Variants in RGS7 observed in about 807,000 individuals in gnomAD.
The protein encoded by RGS7 is regulator of G protein signaling 7.
Under a neutral mutation model 81.1 loss-of-function variants are expected in RGS7, and 27 were observed. The observed-to-expected ratio is 0.33, with a 90% confidence interval of 0.25 to 0.46. The LOEUF (loss-of-function observed/expected upper bound fraction) is 0.46. RGS7 is among the 20% of genes least tolerant of loss of function. The probability of loss-of-function intolerance (pLI) is 1.00; values close to 1 mark genes in which losing one functional copy is unlikely to be tolerated. For missense variants in RGS7, 396 were observed against 607.4 expected (o/e 0.65, Z 3.66); for synonymous variants, 208 against 207.7 (o/e 1.00, Z -0.01).
At chr1:241,072,064 A>T (rs1215280095) in intron 3 of RGS7, among the ~76,000 whole-genome samples, 1 of 152,170 alleles carries the variant, frequency 6.6e-6, no homozygotes, top group Non-Finnish European at 1.5e-5. Flanking sequence ...GACATCCCTC[A>T]TTACAGACCA....
chr1:240,898,441 C>T (rs1669450975), intron 6 of RGS7, among the ~76,000 whole-genome samples: 1 of 152,172 alleles, frequency 6.6e-6, no homozygotes, highest in South Asian at 2.1e-4. Context: ...TTTCCCTCTA[C>T]ACACTGCTTT....
At chr1:241,168,590 T>A (rs2070462146) in intron 2 of RGS7, among the ~76,000 whole-genome samples, 1 of 152,084 alleles carries the variant, frequency 6.6e-6, no homozygotes, top group African/African-American at 2.4e-5. Flanking sequence ...CTACGTTATG[T>A]TATATCACAA....
intron 3 of RGS7, among the ~76,000 whole-genome samples, chr1:241,023,579 A>G (rs1053058712): frequency 6.6e-6 from 1 of 152,016 alleles, no homozygotes; most frequent in African/African-American, 2.4e-5. Context: ...GATACGCCCC[A>G]CTCCAGTTCT....
In RGS7 at chr1:240,962,963, T is replaced by TG. The variant is rs530160614; in HGVS notation, c.226+20115dup. Reference sequence around the variant, plus strand: ...TGTTTGAACATTATCCTGAGGAAAATGGGGGGATCTATTAGTTATTGAACT... The same window carrying TG: ...TGTTTGAACATTATCCTGAGGAAAATGGGGGGGATCTATTAGTTATTGAACT... On this transcript the variant is annotated intron_variant, in intron 4 of 18. Coordinates refer to ENST00000440928, the MANE Select transcript of RGS7 (RefSeq NM_001364886.1). Among the ~76,000 whole-genome samples, 140 of 152,138 alleles carry TG rather than the reference T, an allele frequency of 9.2e-4. 1 individual carries two copies. The highest frequency in any genetic ancestry group is 2.8e-3 in the African/African-American group (116 of 41,504).
At chr1:241,220,974 G>GAGAGAGAGAGAGA (rs2074885002) in intron 2 of RGS7, among the ~76,000 whole-genome samples, 1 of 75,882 alleles carries the variant, frequency 1.3e-5, no homozygotes, top group Non-Finnish European at 2.9e-5. Flanking sequence ...AGGAAGGAAG[G>GAGAGAGAGAGAGA]AAGGAAGGAA....
chr1:241,000,456 A>C (rs902955074), intron 3 of RGS7, among the ~76,000 whole-genome samples: 1 of 152,158 alleles, frequency 6.6e-6, no homozygotes, highest in Non-Finnish European at 1.5e-5. Context: ...AATAGGTATA[A>C]AACTCAAAAC....
intron 6 of RGS7, among the ~76,000 whole-genome samples, chr1:240,880,408 A>C (rs1666171007): frequency 6.6e-6 from 1 of 152,200 alleles, no homozygotes; most frequent in African/African-American, 2.4e-5. Context: ...AGGCTGCTAC[A>C]CTGGTGAAGT....
At chr1:241,306,128 T>TCACACACA (rs3052437) in intron 2 of RGS7, among the ~76,000 whole-genome samples, 88 of 149,774 alleles carry the variant, frequency 5.9e-4, no homozygotes, top group African/African-American at 2.0e-3. Flanking sequence ...CATCTCTTTT[T>TCACACACA]CACACACACA....
At chr1:241,116,401 T>C (rs991475112) in intron 2 of RGS7, among the ~76,000 whole-genome samples, 1 of 152,128 alleles carries the variant, frequency 6.6e-6, no homozygotes, top group Non-Finnish European at 1.5e-5. Context: ...GTACCGTATA[T>C]AGGTTTTTCT....
intron 3 of RGS7, among the ~76,000 whole-genome samples, chr1:241,040,996 A>C (rs983353807): frequency 6.6e-6 from 1 of 152,184 alleles, no homozygotes; most frequent in African/African-American, 2.4e-5. Flanking sequence ...AATTCAATTA[A>C]ATATGTAGTT....
At chr1:241,206,261 G>A (rs894946457) in intron 2 of RGS7, among the ~76,000 whole-genome samples, 6 of 136,418 alleles carry the variant, frequency 4.4e-5, no homozygotes, top group African/African-American at 1.4e-4. Flanking sequence ...ACAGAGTTTC[G>A]CTCTGTCACC....
chr1:240,973,272 G>A (rs977968051), intron 4 of RGS7, among the ~76,000 whole-genome samples: 49 of 151,974 alleles, frequency 3.2e-4, no homozygotes, highest in African/African-American at 1.1e-3. Flanking sequence ...GTATTCCAGC[G>A]CTTTGGGAGG....
intron 6 of RGS7, among the ~76,000 whole-genome samples, chr1:240,925,362 G>A (rs1674272758): frequency 1.3e-5 from 2 of 152,050 alleles, no homozygotes; most frequent in Admixed American, 1.3e-4. Context: ...CCTCTTATAA[G>A]TGAGAACATG....
rs1663638316 is a variant in RGS7, at chr1:240,868,013, G to GAGAA, written c.609+570_609+573dup. Among the ~76,000 whole-genome samples the GAGAA allele has an allele frequency of 1.5e-5, 2 of 136,722 alleles. No homozygotes were observed. Among genetic ancestry groups the GAGAA allele is most frequent in the African/African-American group, 5.5e-5 (2 of 36,610 alleles). 89.7% of individuals were successfully genotyped at this position (136,722 alleles called of 152,430 possible). The stretch of plus-strand genomic sequence containing the variant: ...CAGATCCCATAAAAAAAGAGAGAGA[G>GAGAA]AGAAAGAAAGAAAAGAAAAGAAGAG... On this transcript the variant is annotated intron_variant, in intron 9 of 18. Transcript: ENST00000440928. The surrounding 1 kb of genome is among the most constrained non-coding windows in gnomAD (Gnocchi z 5.1).
chr1:240,896,594 A>G (rs1344478553), intron 6 of RGS7, among the ~76,000 whole-genome samples: 2 of 152,136 alleles, frequency 1.3e-5, no homozygotes, highest in Non-Finnish European at 2.9e-5. Context: ...AGATGGTTGT[A>G]GATGTGTGGT....
chr1:240,784,418 A>G (rs1684685245), intron 18 of RGS7, among the ~76,000 whole-genome samples: 1 of 151,978 alleles, frequency 6.6e-6, no homozygotes, highest in Admixed American at 6.5e-5. Context: ...AGGCGGGCAG[A>G]TCACGAGGTC....
intron 2 of RGS7, among the ~76,000 whole-genome samples, chr1:241,303,524 G>A (rs550231590): frequency 3.1e-4 from 47 of 152,264 alleles, no homozygotes; most frequent in African/African-American, 9.9e-4. Flanking sequence ...TGACTCACAC[G>A]TAGAAGATTA....
chr1:241,169,534 G>T (rs1322215745), intron 2 of RGS7, among the ~76,000 whole-genome samples: 1 of 151,430 alleles, frequency 6.6e-6, no homozygotes, highest in Admixed American at 6.6e-5. Context: ...TAGTAGAGAC[G>T]GGGTTTCACC....
chr1:241,050,179 C>T (rs1039262750), intron 3 of RGS7, among the ~76,000 whole-genome samples: 4 of 152,168 alleles, frequency 2.6e-5, no homozygotes, highest in African/African-American at 9.7e-5. Flanking sequence ...ATCTCCAGGT[C>T]CCTTCCCCAG....
Sources: allele counts gnomAD v4.1 joint callset (sites outside exome capture counted in the v4.1 genomes callset), GRCh38; gene constraint gnomAD v4.1.1; non-coding constraint Gnocchi (gnomAD v3.1); transcripts MANE v1.5; gene names NCBI Gene and HGNC (gene_info 2026-07-23, HGNC 2026-07-21).